LSAMP: variants seen among roughly 807,000 people sequenced by gnomAD.
LSAMP encodes the protein limbic system associated membrane protein, also known as limbic system-associated membrane protein.
A neutral mutation model predicts 38.6 loss-of-function variants in LSAMP; 7 were observed. That is an observed-to-expected ratio of 0.18 (90% CI 0.10 to 0.34). LSAMP has a LOEUF of 0.34. Ranked by LOEUF, LSAMP falls within the 10% of genes least tolerant of loss-of-function variation. LSAMP has a pLI of 1.00. For missense variants in LSAMP, 313 were observed against 420.0 expected (o/e 0.75, Z 2.23); for synonymous variants, 154 against 166.8 (o/e 0.92, Z 0.59).
chr3:116,080,362 T>A (rs900609122), intron 2 of LSAMP, among the ~76,000 whole-genome samples: 1 of 152,210 alleles, frequency 6.6e-6, no homozygotes, highest in Non-Finnish European at 1.5e-5. Context: ...CTCTTTTCCC[T>A]TATTTTCTCT....
intron 1 of LSAMP, among the ~76,000 whole-genome samples, chr3:116,330,186 T>C (rs1225793517): frequency 6.6e-6 from 1 of 152,142 alleles, no homozygotes; most frequent in Non-Finnish European, 1.5e-5. Flanking sequence ...TGTAATATTT[T>C]GGAACACTGG....
At chr3:116,400,710 T>G (rs2048828731) in intron 1 of LSAMP, among the ~76,000 whole-genome samples, 1 of 152,154 alleles carries the variant, frequency 6.6e-6, no homozygotes, top group African/African-American at 2.4e-5. Flanking sequence ...ACTCCTGACC[T>G]CAGGTGATCC....
intron 3 of LSAMP, among the ~76,000 whole-genome samples, chr3:115,876,352 G>A (rs933718109): frequency 5.3e-5 from 8 of 149,800 alleles, no homozygotes; most frequent in Non-Finnish European, 1.2e-4. Flanking sequence ...CCTTGACAGA[G>A]GTTTAATTTC....
chr3:116,245,576 C>T (rs1239033239), intron 1 of LSAMP, among the ~76,000 whole-genome samples: 4 of 152,174 alleles, frequency 2.6e-5, no homozygotes, highest in African/African-American at 9.7e-5. Flanking sequence ...CACTTTCCCC[C>T]AAACATGCCA....
intron 4 of LSAMP, among the ~76,000 whole-genome samples, chr3:115,843,385 GGAAA>G (rs1254832742): frequency 6.6e-6 from 1 of 152,210 alleles, no homozygotes; most frequent in Admixed American, 6.5e-5. Context: ...ATATGAGGAT[GGAAA>G]GAGTGTTTGC....
intron 2 of LSAMP, among the ~76,000 whole-genome samples, chr3:116,070,170 G>A (rs1236717418): frequency 6.6e-6 from 1 of 152,120 alleles, no homozygotes; most frequent in Non-Finnish European, 1.5e-5. Flanking sequence ...AAGAAGGCTG[G>A]CTCTTTAAAA....
chr3:116,340,574 TGAG>T (rs894154840), intron 1 of LSAMP, among the ~76,000 whole-genome samples: 3 of 152,050 alleles, frequency 2.0e-5, no homozygotes, highest in Non-Finnish European at 2.9e-5. Context: ...TTTGCCCATA[TGAG>T]GAGTCATTTT....
At chr3:116,351,393 G>A (rs2048137468) in intron 1 of LSAMP, among the ~76,000 whole-genome samples, 1 of 152,102 alleles carries the variant, frequency 6.6e-6, no homozygotes, top group Non-Finnish European at 1.5e-5. Flanking sequence ...TAGTCTCTGA[G>A]TAACGGAGAA....
At chr3:116,189,591 C>T (rs1292637132) in intron 1 of LSAMP, among the ~76,000 whole-genome samples, 7 of 152,158 alleles carry the variant, frequency 4.6e-5, no homozygotes, top group African/African-American at 1.7e-4. Context: ...GAACACATTG[C>T]CTGCAAACTT....
intron 3 of LSAMP, among the ~76,000 whole-genome samples, chr3:115,928,914 T>C (rs896891740): frequency 6.6e-6 from 1 of 151,474 alleles, no homozygotes. Flanking sequence ...AATGTTGGGA[T>C]GTCAAGATAC....
At chr3:115,841,777 T>A in intron 6 of LSAMP, 68 bp downstream of exon 6, 2 of 1,524,320 alleles carry the variant, frequency 1.3e-6, no homozygotes, top group Non-Finnish European at 1.8e-6. Flanking sequence ...AAGGGAATGG[T>A]TTTCACGTTT....
intron 1 of LSAMP, among the ~76,000 whole-genome samples, chr3:116,195,890 G>T (rs1710871872): frequency 6.6e-6 from 1 of 152,016 alleles, no homozygotes; most frequent in African/African-American, 2.4e-5. Flanking sequence ...TTGGATCCAA[G>T]AATCTATTTT....
chr3:116,211,759 C>G (rs1164397138), intron 1 of LSAMP, among the ~76,000 whole-genome samples: 1 of 152,154 alleles, frequency 6.6e-6, no homozygotes, highest in African/African-American at 2.4e-5. Flanking sequence ...CTGGCAAAAA[C>G]AATGAAAAGT....
Position 116,230,474 on chromosome 3 carries a change from T to C in LSAMP, c.156-143918A>G, listed in dbSNP as rs550644352. 3.3e-5 allele frequency among the ~76,000 whole-genome samples: 5 copies of C among 152,308 alleles called. No homozygotes were observed. The East Asian group carries it at 9.7e-4, about 29-fold the overall frequency. ...TTTTCATATATTTCAAAATTCGATTTCTTGGTTCCCATATGACAGTAGACT... is the reference window on the plus strand; with the variant it reads ...TTTTCATATATTTCAAAATTCGATTCCTTGGTTCCCATATGACAGTAGACT... On this transcript the variant is annotated intron_variant, in intron 1 of 6. Transcript: ENST00000490035.
intron 2 of LSAMP, among the ~76,000 whole-genome samples, chr3:116,032,066 G>A (rs973572766): frequency 1.2e-4 from 19 of 152,100 alleles, no homozygotes; most frequent in African/African-American, 4.6e-4. Flanking sequence ...GATGGGGATA[G>A]GGGAGAGAAA....
At position 116,382,493 on chromosome 3, in the gene LSAMP, G is replaced by A. The variant is rs998914686; in HGVS notation, c.155+62384C>T. Among the ~76,000 whole-genome samples the A allele has an allele frequency of 2.8e-5, 4 of 145,218 alleles. No homozygotes were observed. In the South Asian group the frequency reaches 6.9e-4, roughly 25 times the overall value. Reference sequence around the variant, plus strand: ...CACAGGAAGGGGAACATCACACACCGGGGCCTGTCATGGGGTCGGGGGAGG... The same window carrying A: ...CACAGGAAGGGGAACATCACACACCAGGGCCTGTCATGGGGTCGGGGGAGG... On this transcript the variant is annotated intron_variant, in intron 1 of 6. Coordinates refer to ENST00000490035, the MANE Select transcript of LSAMP (RefSeq NM_002338.5).
intron 1 of LSAMP, among the ~76,000 whole-genome samples, chr3:116,427,214 G>A (rs984730922): frequency 6.7e-6 from 1 of 149,374 alleles, no homozygotes; most frequent in Non-Finnish European, 1.5e-5. Flanking sequence ...TCCGCTTCCC[G>A]GGTTCACGCC....
intron 1 of LSAMP, among the ~76,000 whole-genome samples, chr3:116,318,831 CAGAG>C (rs1256856412): frequency 6.6e-6 from 1 of 152,120 alleles, no homozygotes; most frequent in African/African-American, 2.4e-5. Context: ...ATCCATTTGA[CAGAG>C]AGAATTAAAA....
chr3:115,913,203 G>A (rs1291013853), intron 3 of LSAMP, among the ~76,000 whole-genome samples: 1 of 152,136 alleles, frequency 6.6e-6, no homozygotes, highest in Non-Finnish European at 1.5e-5. Flanking sequence ...TTTTAATGTT[G>A]ATGATTAAAT....
Sources: gnomAD v4.1 joint callset for allele counts (sites outside exome capture counted in the v4.1 genomes callset) on GRCh38, gnomAD v4.1.1 for gene constraint, MANE v1.5 for transcripts, NCBI Gene and HGNC (gene_info 2026-07-23, HGNC 2026-07-21) for gene names.